Variants in TENM3 observed in about 807,000 individuals in gnomAD.
TENM3 encodes teneurin-3.
In TENM3, 63 loss-of-function variants were observed where a neutral mutation model predicts 255.1. The ratio of observed to expected loss-of-function variants is 0.25; its 90% confidence interval spans 0.20 to 0.30. The LOEUF (loss-of-function observed/expected upper bound fraction) is 0.30. Among genes scored for constraint, TENM3 ranks in the 10% least tolerant of loss-of-function variants. The pLI, the probability that TENM3 is intolerant of heterozygous loss-of-function variation, is 1.00. For synonymous variants in TENM3, 1,306 were observed against 1,322.3 expected (o/e 0.99, Z 0.27); for missense variants, 2,929 against 3,461.1 (o/e 0.85, Z 3.86).
the TENM3 span, among the ~76,000 whole-genome samples, chr4:182,090,815 C>T: frequency 6.6e-6 from 1 of 152,144 alleles, no homozygotes; most frequent in Non-Finnish European, 1.5e-5. Context: ...TATTTATTGT[C>T]TCCCATAAAA....
chr4:182,231,336 T>C (rs575519982), intron 1 of TENM3, among the ~76,000 whole-genome samples: 2 of 152,184 alleles, frequency 1.3e-5, no homozygotes, highest in Non-Finnish European at 1.5e-5. Context: ...TTAGCTTTGA[T>C]TGTCAACTTA....
At chr4:182,371,018 C>A (rs977390519) in intron 3 of TENM3, among the ~76,000 whole-genome samples, 1 of 151,970 alleles carries the variant, frequency 6.6e-6, no homozygotes, top group East Asian at 1.9e-4. Context: ...GAAGTTGAGA[C>A]GTTTTGGTCT....
the TENM3 span, among the ~76,000 whole-genome samples, chr4:181,487,138 A>G: frequency 9.9e-4 from 151 of 152,340 alleles, 3 homozygotes; most frequent in East Asian, 0.027. Context: ...AACAATTTGT[A>G]TAGTCAATTA....
chr4:182,392,548 A>G (rs776272897), intron 3 of TENM3, among the ~76,000 whole-genome samples: 1 of 152,208 alleles, frequency 6.6e-6, no homozygotes, highest in Non-Finnish European at 1.5e-5. Context: ...AGAGATGGGA[A>G]TTAGAAATGC....
At chr4:182,362,412 A>C (rs1165479232) in intron 3 of TENM3, among the ~76,000 whole-genome samples, 11 of 151,878 alleles carry the variant, frequency 7.2e-5, no homozygotes, top group Non-Finnish European at 1.2e-4. Flanking sequence ...TTACCTAAGC[A>C]AGCCTGGGCA....
intron 3 of TENM3, among the ~76,000 whole-genome samples, chr4:182,424,968 T>C (rs572659623): frequency 1.3e-5 from 2 of 152,316 alleles, no homozygotes; most frequent in Admixed American, 6.5e-5. Context: ...TGTGATGACA[T>C]GGTGTAATGT....
At chr4:181,504,989 T>C in the TENM3 span, among the ~76,000 whole-genome samples, 1 of 152,188 alleles carries the variant, frequency 6.6e-6, no homozygotes. Context: ...AACACACTGA[T>C]TCGACTCCAC....
the TENM3 span, among the ~76,000 whole-genome samples, chr4:181,517,005 T>C: frequency 6.6e-6 from 1 of 152,176 alleles, no homozygotes; most frequent in Admixed American, 6.5e-5. Flanking sequence ...CTACCCTCTT[T>C]TGTACTGATG....
the TENM3 span, among the ~76,000 whole-genome samples, chr4:182,021,540 C>G: frequency 6.6e-6 from 1 of 152,144 alleles, no homozygotes; most frequent in Non-Finnish European, 1.5e-5. Context: ...TCTAGTATAT[C>G]CTTCCATAGA....
intron 2 of TENM3, among the ~76,000 whole-genome samples, chr4:182,336,574 T>G (rs1764154398): frequency 6.6e-6 from 1 of 152,196 alleles, no homozygotes; most frequent in African/African-American, 2.4e-5. Flanking sequence ...AGCAGGTTGG[T>G]TCTACCCTTT....
the TENM3 span, among the ~76,000 whole-genome samples, chr4:181,633,121 A>C: frequency 6.6e-6 from 1 of 152,272 alleles, no homozygotes; most frequent in Non-Finnish European, 1.5e-5. Context: ...CACCATACGG[A>C]TATTAATCTC....
chr4:181,959,128 C>T, the TENM3 span, among the ~76,000 whole-genome samples: 1 of 152,060 alleles, frequency 6.6e-6, no homozygotes, highest in Non-Finnish European at 1.5e-5. Context: ...ATTATATCTT[C>T]AAAAAATTGT....
At chr4:181,949,830 G>A in the TENM3 span, among the ~76,000 whole-genome samples, 3 of 152,022 alleles carry the variant, frequency 2.0e-5, no homozygotes, top group Admixed American at 1.3e-4. Flanking sequence ...CTCCCTGGTG[G>A]TCTATGGTTG....
the TENM3 span, among the ~76,000 whole-genome samples, chr4:181,503,713 C>A: frequency 5.3e-5 from 8 of 152,306 alleles, no homozygotes; most frequent in East Asian, 1.5e-3. Flanking sequence ...ACTTTCTCTG[C>A]TCAAAGTTAG....
the TENM3 span, among the ~76,000 whole-genome samples, chr4:182,126,361 T>C: frequency 6.6e-5 from 10 of 152,164 alleles, no homozygotes; most frequent in Non-Finnish European, 1.2e-4. Flanking sequence ...TTTCCACCTG[T>C]AAGTGATGCA....
the TENM3 span, among the ~76,000 whole-genome samples, chr4:181,615,213 T>A: frequency 6.6e-6 from 1 of 152,142 alleles, no homozygotes; most frequent in Non-Finnish European, 1.5e-5. Flanking sequence ...TTCAAAACCA[T>A]CCTCCAGCTT....
chr4:182,791,513 A>C (rs531082901), intron 25 of TENM3, among the ~76,000 whole-genome samples: 3 of 152,338 alleles, frequency 2.0e-5, no homozygotes, highest in African/African-American at 7.2e-5. Flanking sequence ...TCATTTCATA[A>C]TTTAGCACCA....
At chr4:182,660,926 T>C (rs953208876) in intron 6 of TENM3, among the ~76,000 whole-genome samples, 3 of 152,174 alleles carry the variant, frequency 2.0e-5, no homozygotes, top group Admixed American at 2.0e-4. Flanking sequence ...GAGTGTACCC[T>C]GACAGAACAT....
chr4:181,846,305 A>G, the TENM3 span, among the ~76,000 whole-genome samples: 1 of 152,118 alleles, frequency 6.6e-6, no homozygotes, highest in Non-Finnish European at 1.5e-5. Flanking sequence ...AAAATATAGA[A>G]TACTGCTAAG....
Sources: gnomAD v4.1 joint callset for allele counts (sites outside exome capture counted in the v4.1 genomes callset) on GRCh38, gnomAD v4.1.1 for gene constraint, MANE v1.5 for transcripts, NCBI Gene and HGNC (gene_info 2026-07-23, HGNC 2026-07-21) for gene names.